The following PROM2 variants were observed in gnomAD, a reference collection of about 807,000 sequenced individuals.
PROM2 encodes the protein prominin-2.
In PROM2, 90 loss-of-function variants were observed where a neutral mutation model predicts 110.2. The ratio of observed to expected loss-of-function variants is 0.82; its 90% CI spans 0.69 to 0.97. The LOEUF (loss-of-function observed/expected upper bound fraction) is 0.97. PROM2 is among the 50% of genes least tolerant of loss of function. PROM2 has a pLI of 0.00. For synonymous variants in PROM2, 470 were observed against 467.8 expected, an observed-to-expected ratio of 1.00 and a Z score of -0.06; for missense variants, 1,009 against 1,074.8, an observed-to-expected ratio of 0.94 and a Z score of 0.86.
At position 95,287,448 on chromosome 2, in the gene PROM2, C is replaced by T. The variant is rs1234965850; in HGVS notation, c.2228C>T (p.Ala743Val). The T allele has an allele frequency of 6.2e-7, 1 of 1,613,984 alleles. No individual in the cohort carries two copies. The highest frequency in any genetic ancestry group is 2.2e-5 in the East Asian group (1 of 44,872). The part of the protein sequence containing the change: ...REMGYFSQYV[A>V]WVREEVTQRI... The stretch of plus-strand genomic sequence containing the variant: ...ATGGGCTACTTCTCCCAGTACGTGG[C>T]CTGGGTGAGAGAGGAGGTGAGTGGG... The change falls in exon 20 of 24, where the codon GCC (alanine) becomes GTC (valine). Residue 743 changes from alanine to valine, a missense_variant. Ala to Val is a moderately conservative substitution (Grantham distance 64). Coordinates refer to ENST00000317620, the MANE Select transcript of PROM2 (RefSeq NM_001165978.3).
chr2:95,281,193 G>A (rs372786368), intron 11 of PROM2, 49 bp from the exon 12 acceptor site: 10 of 1,598,596 alleles, frequency 6.3e-6, no homozygotes, highest in South Asian at 1.1e-5. Context: ...GGTATGGTCA[G>A]GGCAGCCAGT....
rs1180550710 is a variant in PROM2 at position 95,289,603 on chromosome 2, C to T, written c.*390C>T. The T allele has an allele frequency of 1.4e-5, 2 of 144,136 alleles. No individual in the cohort carries two copies. Among genetic ancestry groups the T allele is most frequent in the African/African-American group, 5.1e-5 (2 of 38,858 alleles). The allele number at this position is 144,136 out of a possible 1,614,324, so 8.9% of individuals were successfully genotyped here. A position where few individuals can be genotyped will look rare whatever the true frequency, so the allele number is the denominator to read the frequency against. On this transcript the variant is annotated 3_prime_UTR_variant, in exon 24 of 24. Coordinates refer to ENST00000317620, the MANE Select transcript of PROM2 (RefSeq NM_001165978.3). ...CGTGTGTCTTCCCCCTGCCAAGCCTCCCCCTGCCAAGCCTCCCCCTGCCCC... is the reference window on the plus strand; with the variant it reads ...CGTGTGTCTTCCCCCTGCCAAGCCTTCCCCTGCCAAGCCTCCCCCTGCCCC...
intron 6 of PROM2, 58 bp from the exon 7 acceptor site, chr2:95,277,306 C>G (rs1253574416): frequency 3.9e-6 from 6 of 1,526,388 alleles, no homozygotes; most frequent in Non-Finnish European, 2.7e-6. Flanking sequence ...CTGCCTCCTG[C>G]AAGGCGTCTG....
rs748491200 is a variant in PROM2 at position 95,274,776 on chromosome 2, A to G, written c.191A>G (p.Tyr64Cys). The G allele has an allele frequency of 5.6e-6, 9 of 1,602,966 alleles. No homozygotes were observed. Among genetic ancestry groups the G allele is most frequent in the Admixed American group, 1.7e-5 (1 of 59,196 alleles). ...VRAPGLLDSLYGTVRRFLSVV... is the reference protein window; with the variant it reads ...VRAPGLLDSLCGTVRRFLSVV... ...GCGCCAGGACTCCTGGACTCCCTCT[A>G]TGGCACCGTGCGCCGCTTCCTCTCG... The change falls in exon 1 of 24, where the codon TAT becomes TGT. Residue 64 changes from tyrosine (Y) to cysteine (C), a missense_variant. Tyr to Cys is a radical substitution (Grantham distance 194). Coordinates refer to ENST00000317620, the MANE Select transcript of PROM2 (RefSeq NM_001165978.3).
At chr2:95,283,351 C>A (rs1677156728) in intron 14 of PROM2, among the ~76,000 whole-genome samples, 1 of 152,238 alleles carries the variant, frequency 6.6e-6, no homozygotes. Context: ...ATGCACTGGG[C>A]AGTCCTCTGA....
intron 8 of PROM2, 159 bp from the exon 9 acceptor site, chr2:95,278,562 C>A: frequency 1.3e-6 from 1 of 790,394 alleles, no homozygotes. Context: ...TTGAGTCAGA[C>A]TGGGCCAGGG....
intron 14 of PROM2, among the ~76,000 whole-genome samples, chr2:95,284,087 C>G (rs1677203202): frequency 6.6e-6 from 1 of 152,212 alleles, no homozygotes; most frequent in African/African-American, 2.4e-5. Context: ...GGAGGAAGGC[C>G]AGGTCTTGGC....
At chr2:95,279,764 C>A (rs1396615562) in intron 10 of PROM2, 81 bp from the exon 11 acceptor site, 3 of 1,238,290 alleles carry the variant, frequency 2.4e-6, no homozygotes, top group Non-Finnish European at 3.2e-6. Flanking sequence ...GAGGCCACAC[C>A]CGGTCGCCAC....
Position 95,288,985 on chromosome 2 carries a change from C to T in PROM2, c.2494C>T (p.Leu832=). ...CTTCCACATCCCCCGGGTTACCTCCCTGAAGCTGTAGGGCCTTGTGGGTGA... is the reference window on the plus strand; with the variant it reads ...CTTCCACATCCCCCGGGTTACCTCCTTGAAGCTGTAGGGCCTTGTGGGTGA... The part of the protein sequence containing the change: ...QLFHIPRVTS[L]KL The change falls in exon 23 of 24, where the codon CTG becomes TTG. Residue 832 remains leucine, a synonymous_variant. Transcript: ENST00000317620. 1 of 1,613,856 alleles carries T rather than the reference C, an allele frequency of 6.2e-7. No homozygotes were observed. The highest frequency in any genetic ancestry group is 8.5e-7 in the Non-Finnish European group (1 of 1,179,834).
chr2:95,275,369 C>A lies in PROM2; in HGVS notation c.245-92C>A. On this transcript the variant is annotated intron_variant, in intron 1 of 23. Coordinates refer to ENST00000317620, the MANE Select transcript of PROM2 (RefSeq NM_001165978.3). This position sits in a 1 kb window ranked among gnomAD's most constrained non-coding sequence, Gnocchi z 4.4. ...CATGGTGGTGGCAGGAGCCCTGCCT[C>A]AGAGCCACTTTGCCCTGGCAGTGGG... The A allele has an allele frequency of 7.7e-7, 1 of 1,294,242 alleles. No homozygotes were observed. The highest frequency in any genetic ancestry group is 1.4e-5 in the South Asian group (1 of 71,808). The allele number at this position is 1,294,242 out of a possible 1,614,324, so 80.2% of individuals were successfully genotyped here. A position where few individuals can be genotyped will look rare whatever the true frequency, so the allele number is the denominator to read the frequency against.
rs746438824 is a variant in PROM2 at position 95,285,635 on chromosome 2, G to A, written c.1876-4G>A. The A allele has an allele frequency of 2.5e-5, 40 of 1,593,312 alleles. No individual in the cohort carries two copies. The highest frequency in any genetic ancestry group is 3.4e-5 in the Non-Finnish European group (40 of 1,169,002). On this transcript the variant is annotated splice_region_variant and splice_polypyrimidine_tract_variant and intron_variant, in intron 15 of 23. Coordinates refer to ENST00000317620, the MANE Select transcript of PROM2 (RefSeq NM_001165978.3). Reference sequence around the variant, plus strand: ...CCCTCCTGGCCTCTTCTGTCCACCTGCAGATCCAGAGGCCCGTGGTGAAGA... The same window carrying A: ...CCCTCCTGGCCTCTTCTGTCCACCTACAGATCCAGAGGCCCGTGGTGAAGA...
rs1353059917 is a variant in PROM2, at chr2:95,289,022, C to T, written c.*10+16C>T. 1.3e-6 allele frequency: 2 copies of T among 1,599,654 alleles called. No homozygotes were observed. Among genetic ancestry groups the T allele is most frequent in the South Asian group, 1.1e-5 (1 of 90,796 alleles). On this transcript the variant is annotated intron_variant, in intron 23 of 23. Transcript: ENST00000317620. Reference sequence around the variant, plus strand: ...GGCCTTGTGGGTGAGTTTTCCCCAACTCGCTTAATTGCTCCCTGCCAGGGA... The same window carrying T: ...GGCCTTGTGGGTGAGTTTTCCCCAATTCGCTTAATTGCTCCCTGCCAGGGA...
At chr2:95,280,023 G>T in intron 11 of PROM2, 26 bp downstream of exon 11, 1 of 1,391,678 alleles carries the variant, frequency 7.2e-7, no homozygotes. Flanking sequence ...GAGAGGGGAA[G>T]GGTCCCCTCT....
chr2:95,285,533 G>T, intron 15 of PROM2, 106 bp from the exon 16 acceptor site: 1 of 856,894 alleles, frequency 1.2e-6, no homozygotes, highest in Admixed American at 2.5e-5. Flanking sequence ...CTTAGCTGGT[G>T]TAGGTTATAT....
chr2:95,277,696 G>T, intron 7 of PROM2, 130 bp downstream of exon 7: 3 of 973,042 alleles, frequency 3.1e-6, no homozygotes, highest in Non-Finnish European at 4.4e-6. Flanking sequence ...GGGTTAATGC[G>T]GGTCATCCTG....
At position 95,277,496 on chromosome 2, in the gene PROM2, G is replaced by T. The variant is rs778855227; in HGVS notation, c.905G>T (p.Arg302Met). 4 of 1,611,670 alleles carry T rather than the reference G, an allele frequency of 2.5e-6. No individual in the cohort carries two copies. The highest frequency in any genetic ancestry group is 2.7e-5 in the African/African-American group (2 of 74,886). ...CTCCTTGAGCTGCTGCAGGAGGCCAGGTGCCAGGGAGATTGTGCAGGGGCC... is the reference window on the plus strand; with the variant it reads ...CTCCTTGAGCTGCTGCAGGAGGCCATGTGCCAGGGAGATTGTGCAGGGGCC... ...DRLLELLQEA[R>M]CQGDCAGALS... Residue 302 changes from arginine (R) to methionine (M), a missense_variant, in exon 7 of 24, where the codon AGG becomes ATG. By Grantham distance (91) the Arg-to-Met change is moderately conservative (BLOSUM62 -1). Coordinates refer to ENST00000317620, the MANE Select transcript of PROM2 (RefSeq NM_001165978.3).
intron 1 of PROM2, 148 bp downstream of exon 1, chr2:95,274,977 C>T: frequency 9.9e-7 from 1 of 1,014,854 alleles, no homozygotes; most frequent in Non-Finnish European, 1.4e-6. Flanking sequence ...GGGGAGGGCT[C>T]CAGAACCTGC....
chr2:95,287,036 C>A, intron 18 of PROM2, 97 bp from the exon 19 acceptor site: 2 of 1,328,734 alleles, frequency 1.5e-6, no homozygotes, highest in Non-Finnish European at 1.1e-6. Context: ...TCTGTTGGAG[C>A]TGAACCCTCT....
At position 95,285,094 on chromosome 2, in the gene PROM2, C is replaced by G. The variant is rs76449795; in HGVS notation, c.1854C>G (p.His618Gln). ...AGAGCAGTGGGCTTCAGCGCATCCA[C>G]TACCCCGACTTCCTCGTTCAGGTCA... is the stretch of plus-strand genomic sequence containing the variant. ...ALQSSGLQRIHYPDFLVQIQR... is the reference protein window; with the variant it reads ...ALQSSGLQRIQYPDFLVQIQR... The change falls in exon 15 of 24, where the codon CAC becomes CAG. Residue 618 changes from histidine (H) to glutamine (Q), a missense_variant. By Grantham distance (24) the His-to-Gln change is conservative (BLOSUM62 0). Coordinates refer to ENST00000317620, the MANE Select transcript of PROM2 (RefSeq NM_001165978.3). 3 of 1,583,208 alleles carry G rather than the reference C, an allele frequency of 1.9e-6. No individual in the cohort carries two copies. The South Asian group carries it at 3.5e-5, about 18-fold the overall frequency.
Sources: allele counts gnomAD v4.1 joint callset (sites outside exome capture counted in the v4.1 genomes callset), GRCh38; gene constraint gnomAD v4.1.1; non-coding constraint Gnocchi (gnomAD v3.1); transcripts MANE v1.5; gene names NCBI Gene and HGNC (gene_info 2026-07-23, HGNC 2026-07-21).